The following THSD7A variants were observed in gnomAD, a reference collection of about 807,000 sequenced individuals.
THSD7A encodes the protein thrombospondin type-1 domain-containing protein 7A.
THSD7A carries 96 observed loss-of-function variants against 231.3 expected under a neutral mutation model. The observed-to-expected ratio is 0.41, with a 90% CI of 0.35 to 0.49. THSD7A has a LOEUF of 0.49. THSD7A is among the 20% of genes least tolerant of loss of function. THSD7A has a pLI of 0.05. For synonymous variants in THSD7A, 940 were observed against 743.3 expected (o/e 1.26, Z -4.30); for missense variants, 2,290 against 2,070.2 (o/e 1.11, Z -2.06).
intron 13 of THSD7A, among the ~76,000 whole-genome samples, chr7:11,434,156 T>C (rs1176571321): frequency 1.3e-5 from 2 of 151,954 alleles, no homozygotes; most frequent in African/African-American, 4.8e-5. Flanking sequence ...TCATGGGGGA[T>C]GGAAAGAAAG....
At position 11,635,940 on chromosome 7, in the gene THSD7A, G is replaced by T. The variant is rs370686577; in HGVS notation, c.1022+190C>A. Reference sequence around the variant, plus strand: ...ATCAAAATAACTCAAGTAATACAGGGCCTAAATGTGGACACAATAGAAACA... The same window carrying T: ...ATCAAAATAACTCAAGTAATACAGGTCCTAAATGTGGACACAATAGAAACA... On this transcript the variant is annotated intron_variant, in intron 2 of 27. Transcript: ENST00000423059. 6.6e-5 allele frequency among the ~76,000 whole-genome samples: 10 copies of T among 151,802 alleles called. No individual in the cohort carries two copies. The East Asian group carries it at 9.7e-4, about 15-fold the overall frequency.
chr7:11,584,949 A>C (rs954923501), intron 4 of THSD7A, among the ~76,000 whole-genome samples: 8 of 152,312 alleles, frequency 5.3e-5, no homozygotes, highest in African/African-American at 1.7e-4. Flanking sequence ...TATTCAAGAG[A>C]TAATTTTCAG....
At chr7:11,646,325 A>G (rs1562439143) in intron 1 of THSD7A, among the ~76,000 whole-genome samples, 1 of 152,078 alleles carries the variant, frequency 6.6e-6, no homozygotes, top group African/African-American at 2.4e-5. Flanking sequence ...TTCAGTATAA[A>G]TGTGATTGGC....
intron 1 of THSD7A, among the ~76,000 whole-genome samples, chr7:11,638,533 T>C (rs1433914580): frequency 6.6e-6 from 1 of 152,140 alleles, no homozygotes; most frequent in Non-Finnish European, 1.5e-5. Context: ...CATTATGGAG[T>C]TGTAAATAGA....
Position 11,584,865 on chromosome 7 carries a change from T to C in THSD7A, c.1453+5595A>G, listed in dbSNP as rs987380927. Among the ~76,000 whole-genome samples, 6 of 152,286 alleles carry C rather than the reference T, an allele frequency of 3.9e-5. 2 individuals carry two copies. The highest frequency in any genetic ancestry group is 6.5e-5 in the Admixed American group (1 of 15,300). On this transcript the variant is annotated intron_variant, in intron 4 of 27. Coordinates refer to ENST00000423059, the MANE Select transcript of THSD7A (RefSeq NM_015204.3). ...GTGTAAACAGTTCTATATTCAGAGA[T>C]AAAAGGCAGTGTGAGTGCGAATATA...
intron 4 of THSD7A, among the ~76,000 whole-genome samples, chr7:11,565,852 C>T (rs1412467203): frequency 6.6e-6 from 1 of 152,218 alleles, no homozygotes; most frequent in Non-Finnish European, 1.5e-5. Context: ...CCTTGCTTCA[C>T]TCCACCTACA....
At chr7:11,723,311 A>G (rs1583225765) in intron 1 of THSD7A, among the ~76,000 whole-genome samples, 1 of 111,686 alleles carries the variant, frequency 9.0e-6, no homozygotes, top group Non-Finnish European at 1.7e-5. Context: ...AACATCACAC[A>G]CTGGGGCCTG....
At chr7:11,501,110 G>A (rs191680838) in intron 6 of THSD7A, among the ~76,000 whole-genome samples, 5 of 151,820 alleles carry the variant, frequency 3.3e-5, no homozygotes, top group African/African-American at 7.2e-5. Context: ...CTCAACACAG[G>A]AACACCCAGA....
intron 23 of THSD7A, among the ~76,000 whole-genome samples, chr7:11,387,561 A>G (rs1302755740): frequency 6.6e-6 from 1 of 152,170 alleles, no homozygotes; most frequent in African/African-American, 2.4e-5. Flanking sequence ...TTGATTTTGT[A>G]TCCTGAGACT....
At position 11,375,861 on chromosome 7, in the gene THSD7A, G is replaced by T. The variant is rs1170142560; in HGVS notation, c.4907C>A (p.Pro1636His). The T allele has an allele frequency of 6.2e-7, 1 of 1,612,340 alleles. No homozygotes were observed. The highest frequency in any genetic ancestry group is 2.2e-5 in the East Asian group (1 of 44,818). The change falls in exon 28 of 28, where the codon CCC (proline) becomes CAC (histidine). Residue 1636 changes from proline (P) to histidine (H), a missense_variant. Pro to His is a moderately conservative substitution (Grantham distance 77). Transcript: ENST00000423059. ...IYLACKKPKK[P>H]QRRQNNRLKP... ...CAGTCGGTTGTTTTGCCTTCTTTGG[G>T]GTTTCTTTGGCTTTTTGCTGTAAAA... is the stretch of plus-strand genomic sequence containing the variant.
chr7:11,720,619 T>C (rs1406329025), intron 1 of THSD7A, among the ~76,000 whole-genome samples: 5 of 151,812 alleles, frequency 3.3e-5, no homozygotes, highest in African/African-American at 4.8e-5. Context: ...GTTGCTTTTT[T>C]CATTTTCTTT....
At chr7:11,694,382 A>G (rs1366269006) in intron 1 of THSD7A, among the ~76,000 whole-genome samples, 1 of 151,572 alleles carries the variant, frequency 6.6e-6, no homozygotes, top group Non-Finnish European at 1.5e-5. Flanking sequence ...ATTCAGATAT[A>G]GTACCATTCA....
At chr7:11,414,376 G>A (rs192351778) in intron 17 of THSD7A, among the ~76,000 whole-genome samples, 1 of 152,314 alleles carries the variant, frequency 6.6e-6, no homozygotes, top group African/African-American at 2.4e-5. Context: ...AATTGCACAT[G>A]CATACTCTTT....
At chr7:11,540,911 C>T (rs1020267804) in intron 6 of THSD7A, among the ~76,000 whole-genome samples, 4 of 152,138 alleles carry the variant, frequency 2.6e-5, no homozygotes, top group African/African-American at 9.7e-5. Context: ...GGTTCAGGAA[C>T]TCTAGGCTGT....
At chr7:11,457,397 T>C (rs1252571958) in intron 11 of THSD7A, among the ~76,000 whole-genome samples, 2 of 152,084 alleles carry the variant, frequency 1.3e-5, no homozygotes, top group Non-Finnish European at 2.9e-5. Context: ...ACTTTGACTC[T>C]TTTATTTTTA....
intron 23 of THSD7A, among the ~76,000 whole-genome samples, chr7:11,397,604 TCA>T (rs1453546958): frequency 6.6e-6 from 1 of 152,146 alleles, no homozygotes; most frequent in Admixed American, 6.6e-5. Flanking sequence ...GAAACTATCA[TCA>T]GAGTGAACAG....
At chr7:11,501,896 T>C (rs140276955) in intron 6 of THSD7A, among the ~76,000 whole-genome samples, 120 of 152,018 alleles carry the variant, frequency 7.9e-4, no homozygotes, top group African/African-American at 2.7e-3. Context: ...TCTAGACTAA[T>C]AGAAGAGAGA....
At chr7:11,393,720 C>G (rs181693203) in intron 23 of THSD7A, among the ~76,000 whole-genome samples, 57 of 152,254 alleles carry the variant, frequency 3.7e-4, no homozygotes, top group African/African-American at 1.2e-3. Flanking sequence ...GTGAAGCATA[C>G]ACAAGTATCA....
chr7:11,786,912 C>T (rs1186228667), intron 1 of THSD7A, among the ~76,000 whole-genome samples: 1 of 152,080 alleles, frequency 6.6e-6, no homozygotes, highest in Non-Finnish European at 1.5e-5. Context: ...ACCATTCACA[C>T]AGAGCAGTAG....
Sources: allele counts gnomAD v4.1 joint callset (sites outside exome capture counted in the v4.1 genomes callset), GRCh38; gene constraint gnomAD v4.1.1; transcripts MANE v1.5; gene names NCBI Gene and HGNC (gene_info 2026-07-23, HGNC 2026-07-21).